The following PCGF5 variants were observed in gnomAD, a reference collection of about 807,000 sequenced individuals.
PCGF5 encodes the protein polycomb group RING finger protein 5.
In PCGF5, 9 loss-of-function variants were observed where a neutral mutation model predicts 44.3. That is an observed-to-expected ratio of 0.20 (90% CI 0.12 to 0.35). The LOEUF (loss-of-function observed/expected upper bound fraction) is 0.35. PCGF5 is among the 10% of genes least tolerant of loss of function. The probability of loss-of-function intolerance (pLI) is 1.00; values close to 1 mark genes in which losing one functional copy is unlikely to be tolerated. For missense variants in PCGF5, 146 were observed against 305.3 expected (o/e 0.48, Z 3.89); for synonymous variants, 95 against 102.5 (o/e 0.93, Z 0.44).
At chr10:91,272,778 A>G (rs1393915146) in intron 9 of PCGF5, among the ~76,000 whole-genome samples, 2 of 152,186 alleles carry the variant, frequency 1.3e-5, no homozygotes, top group Non-Finnish European at 2.9e-5. Context: ...GTTTCAGACA[A>G]ACAAATAAAT....
chr10:91,198,757 C>T (rs1164491610), intron 1 of PCGF5, among the ~76,000 whole-genome samples: 1 of 152,184 alleles, frequency 6.6e-6, no homozygotes, highest in Non-Finnish European at 1.5e-5. Flanking sequence ...GACGTTTTGG[C>T]CTTGTCATAC....
intron 1 of PCGF5, 97 bp from the exon 2 acceptor site, chr10:91,222,592 G>T: frequency 2.1e-6 from 1 of 469,362 alleles, no homozygotes; most frequent in South Asian, 5.5e-5. Context: ...ACCCAATTGG[G>T]AACATGTAAC....
chr10:91,243,986 T>C (rs1444954143), intron 3 of PCGF5, among the ~76,000 whole-genome samples: 1 of 152,224 alleles, frequency 6.6e-6, no homozygotes, highest in Non-Finnish European at 1.5e-5. Flanking sequence ...GGATGCCTGC[T>C]GTGTCTGGGC....
chr10:91,221,224 G>T (rs530556061), intron 1 of PCGF5, among the ~76,000 whole-genome samples: 1 of 152,242 alleles, frequency 6.6e-6, no homozygotes, highest in Admixed American at 6.5e-5. Context: ...GCAAGTTCTT[G>T]CTTCCCTTAA....
intron 2 of PCGF5, chr10:91,227,799 T>C: frequency 1.0e-6 from 1 of 989,616 alleles, no homozygotes; most frequent in Non-Finnish European, 1.2e-6. Flanking sequence ...AATACTTGGT[T>C]CAACTGTTTG....
intron 2 of PCGF5, among the ~76,000 whole-genome samples, chr10:91,236,013 G>C (rs1845152152): frequency 6.6e-6 from 1 of 152,174 alleles, no homozygotes; most frequent in South Asian, 2.1e-4. Flanking sequence ...AGGAGTTTGA[G>C]GTTGCAGTGA....
chr10:91,199,523 T>A (rs898440407), intron 1 of PCGF5, among the ~76,000 whole-genome samples: 1 of 152,172 alleles, frequency 6.6e-6, no homozygotes, highest in African/African-American at 2.4e-5. Context: ...GCCAACAACA[T>A]CCCCATCAAG....
rs950322390 is a variant in PCGF5 at position 91,197,378 on chromosome 10, G to A, written c.-183-25311G>A. ...ATTATTTTCTGAGGATGGCTGCACA[G>A]ACGTATATCTTTGGAAAATAAAATC... On this transcript the variant is annotated intron_variant, in intron 1 of 9. Coordinates refer to the PCGF5 transcript ENST00000614189. 3.3e-5 allele frequency among the ~76,000 whole-genome samples: 5 copies of A among 152,172 alleles called. No homozygotes were observed. In the East Asian group the frequency reaches 7.7e-4, roughly 23 times the overall value.
intron 9 of PCGF5, among the ~76,000 whole-genome samples, chr10:91,277,930 T>C (rs1846357471): frequency 6.6e-6 from 1 of 152,094 alleles, no homozygotes; most frequent in South Asian, 2.1e-4. Context: ...GGTTACTAAC[T>C]GAATGCCTAT....
intron 1 of PCGF5, among the ~76,000 whole-genome samples, chr10:91,211,262 T>A (rs956990710): frequency 1.4e-4 from 21 of 152,360 alleles, no homozygotes; most frequent in Admixed American, 1.2e-3. Flanking sequence ...ATGCATACTT[T>A]GTTGATGTGA....
At chr10:91,235,675 T>C (rs1845140206) in intron 2 of PCGF5, among the ~76,000 whole-genome samples, 1 of 152,138 alleles carries the variant, frequency 6.6e-6, no homozygotes, top group Non-Finnish European at 1.5e-5. Context: ...AATTGAATCA[T>C]GGGGGCGGGT....
intron 6 of PCGF5, among the ~76,000 whole-genome samples, chr10:91,257,136 A>G (rs1845773504): frequency 6.6e-6 from 1 of 151,742 alleles, no homozygotes; most frequent in African/African-American, 2.4e-5. Flanking sequence ...CAATTTGGAA[A>G]AAGGCAAAAG....
intron 1 of PCGF5, among the ~76,000 whole-genome samples, chr10:91,187,035 G>T (rs190194771): frequency 6.6e-6 from 1 of 152,114 alleles, no homozygotes; most frequent in Non-Finnish European, 1.5e-5. Flanking sequence ...GTCTCAGGTG[G>T]GGTCTGAGAT....
chr10:91,230,039 GTAA>G lies in PCGF5; in HGVS notation c.112+7061_112+7063del, dbSNP rs535668838. ...TTAATCTTGGTGTCATCTATTATTAGTAATAATGTTAAAGTTATGTGTATAGTT... is the reference window on the plus strand; with the variant it reads ...TTAATCTTGGTGTCATCTATTATTAGTAATGTTAAAGTTATGTGTATAGTT... On this transcript the variant is annotated intron_variant, in intron 2 of 9. Transcript: ENST00000336126. Among the ~76,000 whole-genome samples, 369 of 152,154 alleles carry G rather than the reference GTAA, an allele frequency of 2.4e-3. 1 individual carries two copies. The highest frequency in any genetic ancestry group is 8.5e-3 in the African/African-American group (354 of 41,482).
At chr10:91,239,694 A>G (rs1206566666) in intron 2 of PCGF5, among the ~76,000 whole-genome samples, 1 of 152,202 alleles carries the variant, frequency 6.6e-6, no homozygotes, top group Non-Finnish European at 1.5e-5. Flanking sequence ...AAACATTGGC[A>G]TAGTATGTAG....
intron 3 of PCGF5, among the ~76,000 whole-genome samples, 184 bp from the exon 4 acceptor site, chr10:91,248,321 T>C (rs1363177357): frequency 1.3e-5 from 2 of 152,106 alleles, no homozygotes; most frequent in Non-Finnish European, 2.9e-5. Context: ...ATTTTTGTTA[T>C]CAGTCTACTA....
intron 9 of PCGF5, among the ~76,000 whole-genome samples, 177 bp downstream of exon 9, chr10:91,271,874 AT>A (rs1434615065): frequency 2.6e-5 from 4 of 152,238 alleles, no homozygotes; most frequent in African/African-American, 9.6e-5. Flanking sequence ...CTCCTGAATT[AT>A]CTATTTAATT....
intron 1 of PCGF5, among the ~76,000 whole-genome samples, chr10:91,185,740 C>T (rs1022362211): frequency 1.3e-5 from 2 of 152,188 alleles, no homozygotes; most frequent in Admixed American, 6.5e-5. Flanking sequence ...GTTCTCCTGA[C>T]CCGGGAGTTG....
intron 3 of PCGF5, among the ~76,000 whole-genome samples, chr10:91,245,126 A>G (rs1845426842): frequency 6.6e-6 from 1 of 152,156 alleles, no homozygotes; most frequent in Non-Finnish European, 1.5e-5. Context: ...TTCAGAGAGA[A>G]GAGGAGGAGC....
Sources: gnomAD v4.1 joint callset for allele counts (sites outside exome capture counted in the v4.1 genomes callset) on GRCh38, gnomAD v4.1.1 for gene constraint, MANE v1.5 for transcripts, NCBI Gene and HGNC (gene_info 2026-07-23, HGNC 2026-07-21) for gene names.